The following ADGRV1 variants were observed in gnomAD, a reference collection of about 807,000 sequenced individuals.
The protein encoded by ADGRV1 is G-protein coupled receptor 98.
Under a neutral mutation model 596.2 loss-of-function variants are expected in ADGRV1, and 359 were observed. That is an observed-to-expected ratio of 0.60 (90% CI 0.55 to 0.66). ADGRV1 has a LOEUF of 0.66. ADGRV1 is among the 30% of genes least tolerant of loss of function. ADGRV1 has a pLI of 0.00. For synonymous variants in ADGRV1, 2,681 were observed against 2,679.2 expected, an observed-to-expected ratio of 1.00 and a Z score of -0.02; for missense variants, 7,274 against 7,575.6, an observed-to-expected ratio of 0.96 and a Z score of 1.48.
chr5:90,875,485 C>T (rs1195785335), intron 83 of ADGRV1, among the ~76,000 whole-genome samples: 3 of 152,172 alleles, frequency 2.0e-5, no homozygotes, highest in African/African-American at 4.8e-5. Context: ...TTCAAGAAAG[C>T]CCATACTGCT....
intron 83 of ADGRV1, among the ~76,000 whole-genome samples, chr5:90,956,923 T>TAATACAAAA (rs1777533395): frequency 6.6e-6 from 1 of 152,132 alleles, no homozygotes; most frequent in Admixed American, 6.6e-5. Context: ...CAGCAAATGT[T>TAATACAAAA]AAGATTTAGT....
intron 75 of ADGRV1, among the ~76,000 whole-genome samples, chr5:90,816,466 T>A (rs758504433): frequency 1.3e-5 from 2 of 151,884 alleles, no homozygotes; most frequent in Admixed American, 6.6e-5. Flanking sequence ...AATGTGCAGG[T>A]TTGTTACGTA....
chr5:90,668,342 T>C (rs1337777633), intron 21 of ADGRV1, among the ~76,000 whole-genome samples: 18 of 152,078 alleles, frequency 1.2e-4, no homozygotes, highest in Admixed American at 9.2e-4. Flanking sequence ...GTCGGAAAAG[T>C]GCAGTATTCT....
At chr5:90,621,729 T>C (rs1057513059) in intron 4 of ADGRV1, among the ~76,000 whole-genome samples, 1 of 152,126 alleles carries the variant, frequency 6.6e-6, no homozygotes, top group African/African-American at 2.4e-5. Context: ...CTGACATCCT[T>C]AAAATTAAAC....
In ADGRV1 at chr5:90,654,230, G is replaced by GA. The variant is rs1452092525; in HGVS notation, c.4378+285dup. ...CACAATGACACCCTGTAGGAAGACA[G>GA]AAAAAAATATGAAAGAGGAATGTTT... On this transcript the variant is annotated intron_variant, in intron 20 of 89. Coordinates refer to ENST00000405460, the MANE Select transcript of ADGRV1 (RefSeq NM_032119.4). 7.3e-6 allele frequency: 3 copies of GA among 409,728 alleles called. No individual in the cohort carries two copies. In the Admixed American group the frequency reaches 1.1e-4, roughly 16 times the overall value. The allele number at this position is 409,728 out of a possible 1,614,324, so 25.4% of individuals were successfully genotyped here. A position where few individuals can be genotyped will look rare whatever the true frequency, so the allele number is the denominator to read the frequency against.
chr5:90,710,660 ATAT>A (rs1749220194), intron 39 of ADGRV1, among the ~76,000 whole-genome samples: 1 of 151,940 alleles, frequency 6.6e-6, no homozygotes, highest in Non-Finnish European at 1.5e-5. Context: ...TGAAATAGTG[ATAT>A]TATAGAATAG....
rs727504978 is a variant in ADGRV1 at position 90,725,550 on chromosome 5, TACAA to T, written c.10060_10063del (p.Thr3354SerfsTer9). ...TTCATTCCCACTCTGTCCTTGCAGG[TACAA>T]ACAATCATTATTCTGGAAAGTTCTC... On this transcript the variant is annotated frameshift_variant and splice_region_variant, in exon 48 of 90. Transcript: ENST00000405460. LOFTEE classifies it high-confidence loss of function. 2 of 1,495,886 alleles carry T rather than the reference TACAA, an allele frequency of 1.3e-6. No homozygotes were observed. Among genetic ancestry groups the T allele is most frequent in the Non-Finnish European group, 1.9e-6 (2 of 1,072,778 alleles). The allele number at this position is 1,495,886 out of a possible 1,614,324, so 92.7% of individuals were successfully genotyped here.
intron 1 of ADGRV1, among the ~76,000 whole-genome samples, chr5:90,564,121 T>A (rs550092548): frequency 6.0e-4 from 92 of 152,392 alleles, no homozygotes; most frequent in South Asian, 3.1e-3. Flanking sequence ...GTTTTAGATA[T>A]GTCTTACAAG....
In ADGRV1 at chr5:90,716,603, T is replaced by G. The variant is rs1472730835; in HGVS notation, c.9321T>G (p.Pro3107=). Residue 3107 remains proline (P), a synonymous_variant, in exon 43 of 90, where the codon CCT becomes CCG. Transcript: ENST00000405460. ...CAGTATTGTACATTGTTCGGGAACC[T>G]GCACAAGGATTGTTTGGAACAGTGA... The part of the protein sequence containing the change: ...SVAVLYIVRE[P]AQGLFGTVTV... The G allele has an allele frequency of 6.2e-7, 1 of 1,613,774 alleles. No individual in the cohort carries two copies. The highest frequency in any genetic ancestry group is 2.2e-5 in the East Asian group (1 of 44,874).
At chr5:91,018,185 C>T (rs1783330727) in intron 85 of ADGRV1, among the ~76,000 whole-genome samples, 1 of 151,870 alleles carries the variant, frequency 6.6e-6, no homozygotes, top group Admixed American at 6.6e-5. Context: ...CTCTTCTGAC[C>T]TTGTCTGTTC....
At chr5:90,686,968 A>G (rs1170898513) in intron 29 of ADGRV1, among the ~76,000 whole-genome samples, 2 of 152,184 alleles carry the variant, frequency 1.3e-5, no homozygotes, top group Non-Finnish European at 2.9e-5. Context: ...ACGGCCAGTG[A>G]TGATGAGCAT....
chr5:90,598,404 C>T (rs190561521), intron 1 of ADGRV1, among the ~76,000 whole-genome samples: 30 of 152,336 alleles, frequency 2.0e-4, no homozygotes, highest in African/African-American at 7.2e-4. Context: ...AGCCCTGTAG[C>T]CAGGGAGAGC....
intron 84 of ADGRV1, among the ~76,000 whole-genome samples, chr5:90,966,658 T>C (rs12523056): frequency 0.51 from 76,836 of 151,800 alleles, 20,969 homozygotes; most frequent in African/African-American, 0.71. Context: ...GTGAGACCAG[T>C]AGAGTCCTAG....
intron 85 of ADGRV1, among the ~76,000 whole-genome samples, chr5:91,047,342 G>T (rs766341084): frequency 1.3e-5 from 2 of 152,160 alleles, no homozygotes; most frequent in Non-Finnish European, 2.9e-5. Context: ...AGAGAAGTTT[G>T]TTAAGGAGTA....
intron 29 of ADGRV1, 94 bp from the exon 30 acceptor site, chr5:90,689,767 C>A: frequency 1.3e-6 from 1 of 774,962 alleles, no homozygotes. Flanking sequence ...CCAAGTAGAT[C>A]CATAAAGTTT....
In ADGRV1 at chr5:90,628,830, G is replaced by A. The variant is rs759083381; in HGVS notation, c.1507G>A (p.Glu503Lys). 2 of 1,613,746 alleles carry A rather than the reference G, an allele frequency of 1.2e-6. 1 individual carries two copies. The highest frequency in any genetic ancestry group is 2.2e-5 in the South Asian group (2 of 91,026). ...RGGAEVSEPA[E>K]LLFYIQDSDD... ...AGGTGCAGAAGTGAGCGAGCCAGCG[G>A]AGGTATAACCCTTGTTATGCTTTAT... Residue 503 changes from glutamate to lysine, a missense_variant and splice_region_variant, in exon 8 of 90, where the codon GAG becomes AAG. By Grantham distance (56) the Glu-to-Lys change is moderately conservative. Around this residue, in one of 5 missense-constraint regions of ADGRV1, gnomAD observed 1,715 missense variants for 1,708.8 expected, o/e 1.00. Coordinates refer to ENST00000405460, the MANE Select transcript of ADGRV1 (RefSeq NM_032119.4).
intron 87 of ADGRV1, among the ~76,000 whole-genome samples, chr5:91,110,602 TG>T (rs1203870930): frequency 6.6e-6 from 1 of 152,206 alleles, no homozygotes; most frequent in Non-Finnish European, 1.5e-5. Flanking sequence ...TCACACTTAC[TG>T]TGTTAGAATT....
intron 70 of ADGRV1, among the ~76,000 whole-genome samples, chr5:90,799,097 G>T (rs1761069709): frequency 6.6e-6 from 1 of 152,034 alleles, no homozygotes; most frequent in South Asian, 2.1e-4. Context: ...CAAAAGAAAG[G>T]AGTAAAGGAT....
intron 2 of ADGRV1, among the ~76,000 whole-genome samples, chr5:90,615,741 GTTAT>G (rs1322405351): frequency 6.6e-6 from 1 of 151,894 alleles, no homozygotes; most frequent in Non-Finnish European, 1.5e-5. Flanking sequence ...TATAATTTTA[GTTAT>G]TTGTGACATA....
Sources: allele counts gnomAD v4.1 joint callset (sites outside exome capture counted in the v4.1 genomes callset), GRCh38; gene constraint gnomAD v4.1.1; regional missense constraint gnomAD v4.1.1; transcripts MANE v1.5; gene names NCBI Gene and HGNC (gene_info 2026-07-23, HGNC 2026-07-21).